Variants in DDAH1 observed in about 807,000 individuals in gnomAD.
DDAH1 encodes N(G),N(G)-dimethylarginine dimethylaminohydrolase 1.
A neutral mutation model predicts 28.8 loss-of-function variants in DDAH1; 19 were observed. The observed-to-expected ratio is 0.66, with a 90% CI of 0.46 to 0.97. The LOEUF is 0.97. Ranked by LOEUF, DDAH1 falls within the 50% of genes least tolerant of loss-of-function variation. The pLI, the probability that DDAH1 is intolerant of heterozygous loss-of-function variation, is 0.00. For synonymous variants in DDAH1, 153 were observed against 154.4 expected, an observed-to-expected ratio of 0.99 and a Z score of 0.07; for missense variants, 326 against 375.9, an observed-to-expected ratio of 0.87 and a Z score of 1.10.
chr1:85,473,204 TG>T (rs1196056239), intron 2 of DDAH1, among the ~76,000 whole-genome samples: 1 of 152,210 alleles, frequency 6.6e-6, no homozygotes, highest in Non-Finnish European at 1.5e-5. Context: ...AGTGTCTGTT[TG>T]GTAGAACTAT....
intron 1 of DDAH1, among the ~76,000 whole-genome samples, chr1:85,417,694 A>G (rs1193446329): frequency 6.6e-6 from 1 of 152,200 alleles, no homozygotes; most frequent in Non-Finnish European, 1.5e-5. Flanking sequence ...TTCCTGCAAA[A>G]TTATTCAATA....
intron 1 of DDAH1, among the ~76,000 whole-genome samples, chr1:85,573,103 C>G (rs1302874491): frequency 6.6e-6 from 1 of 152,200 alleles, no homozygotes; most frequent in East Asian, 1.9e-4. Flanking sequence ...TACTATGTGC[C>G]AGGCATCAGG....
intron 2 of DDAH1, among the ~76,000 whole-genome samples, chr1:85,486,568 G>T (rs1337639962): frequency 6.6e-6 from 1 of 152,146 alleles, no homozygotes; most frequent in Non-Finnish European, 1.5e-5. Flanking sequence ...TATTTATTCA[G>T]TCATTCAGCC....
intron 1 of DDAH1, among the ~76,000 whole-genome samples, chr1:85,436,052 C>T (rs893764260): frequency 3.3e-5 from 5 of 151,802 alleles, no homozygotes; most frequent in Non-Finnish European, 5.9e-5. Context: ...CTGCCCACAT[C>T]GGCCTCCCAA....
chr1:85,386,035 G>A (rs964080328), intron 1 of DDAH1, among the ~76,000 whole-genome samples: 1 of 152,102 alleles, frequency 6.6e-6, no homozygotes, highest in Admixed American at 6.5e-5. Flanking sequence ...CACCAAGCAT[G>A]AGGGATCTAC....
chr1:85,420,008 G>T (rs1327126074), intron 1 of DDAH1, among the ~76,000 whole-genome samples: 2 of 152,076 alleles, frequency 1.3e-5, no homozygotes, highest in African/African-American at 4.8e-5. Flanking sequence ...TTTTATCAAG[G>T]TTGCAAACTA....
intron 1 of DDAH1, among the ~76,000 whole-genome samples, chr1:85,504,436 G>T (rs994482633): frequency 1.3e-5 from 2 of 152,004 alleles, no homozygotes; most frequent in African/African-American, 4.8e-5. Context: ...AATCTCCTGG[G>T]TCACTCTCCT....
At chr1:85,359,166 C>T (rs546471003) in intron 1 of DDAH1, among the ~76,000 whole-genome samples, 12 of 152,288 alleles carry the variant, frequency 7.9e-5, no homozygotes, top group Middle Eastern at 3.4e-3. Flanking sequence ...TGTTGGAGTA[C>T]GACCAGTTAA....
chr1:85,503,106 C>T (rs1478924828), intron 1 of DDAH1, among the ~76,000 whole-genome samples: 4 of 152,080 alleles, frequency 2.6e-5, no homozygotes, highest in Non-Finnish European at 5.9e-5. Flanking sequence ...ACCCCAACAA[C>T]CAAATTAATA....
intron 1 of DDAH1, among the ~76,000 whole-genome samples, chr1:85,449,682 A>G (rs1323954127): frequency 6.6e-6 from 1 of 152,052 alleles, no homozygotes. Context: ...ATAACACTGG[A>G]AGGGGTCTCT....
intron 1 of DDAH1, among the ~76,000 whole-genome samples, chr1:85,500,216 CTT>C (rs1204019714): frequency 7.0e-6 from 1 of 142,946 alleles, no homozygotes; most frequent in Non-Finnish European, 1.5e-5. Flanking sequence ...TCCTTCCTTC[CTT>C]TCTTTTTTCC....
At chr1:85,329,092 C>T (rs1647600090) in intron 4 of DDAH1, among the ~76,000 whole-genome samples, 1 of 152,232 alleles carries the variant, frequency 6.6e-6, no homozygotes, top group Non-Finnish European at 1.5e-5. Context: ...AAATTCCCCA[C>T]CTCTCAGTGT....
intron 1 of DDAH1, among the ~76,000 whole-genome samples, chr1:85,429,328 C>A (rs1653561616): frequency 6.6e-6 from 1 of 152,108 alleles, no homozygotes; most frequent in African/African-American, 2.4e-5. Context: ...ATCCATGTCC[C>A]TGCAAAGGAC....
intron 1 of DDAH1, among the ~76,000 whole-genome samples, chr1:85,436,564 G>T (rs1462586265): frequency 6.6e-6 from 1 of 152,196 alleles, no homozygotes; most frequent in Non-Finnish European, 1.5e-5. Context: ...CTCAGTCAGA[G>T]CTGGCTCAGG....
intron 1 of DDAH1, among the ~76,000 whole-genome samples, chr1:85,505,298 T>C (rs1656977058): frequency 6.6e-6 from 1 of 152,070 alleles, no homozygotes; most frequent in African/African-American, 2.4e-5. Context: ...ATTATTCTTA[T>C]TATATGTCTT....
At chr1:85,505,777 C>T (rs891953193) in intron 1 of DDAH1, among the ~76,000 whole-genome samples, 1 of 152,174 alleles carries the variant, frequency 6.6e-6, no homozygotes, top group African/African-American at 2.4e-5. Context: ...AACTTATTTA[C>T]CTGACTTCCT....
intron 1 of DDAH1, among the ~76,000 whole-genome samples, chr1:85,500,135 TTTCTTTCTTTC>T (rs1421482838): frequency 5.4e-5 from 3 of 55,714 alleles, no homozygotes; most frequent in South Asian, 3.5e-3. Context: ...TCTTTCTTTC[TTTCTTTCTTTC>T]TTTTCTTTCT....
intron 1 of DDAH1, among the ~76,000 whole-genome samples, chr1:85,432,803 C>G (rs1227287262): frequency 6.6e-6 from 1 of 152,158 alleles, no homozygotes; most frequent in African/African-American, 2.4e-5. Flanking sequence ...CAGGAACTTT[C>G]TACTTTTAAT....
intron 1 of DDAH1, among the ~76,000 whole-genome samples, chr1:85,513,082 G>T (rs1570627124): frequency 6.6e-6 from 1 of 152,068 alleles, no homozygotes; most frequent in Non-Finnish European, 1.5e-5. Context: ...GAGGCATCAC[G>T]CTACCTGACT....
Sources: allele counts gnomAD v4.1 joint callset (sites outside exome capture counted in the v4.1 genomes callset), GRCh38; gene constraint gnomAD v4.1.1; transcripts MANE v1.5; gene names NCBI Gene and HGNC (gene_info 2026-07-23, HGNC 2026-07-21).